PPP2R2B: variants seen among roughly 807,000 people sequenced by gnomAD.
PPP2R2B encodes the protein protein phosphatase 2 regulatory subunit Bbeta, also known as serine/threonine-protein phosphatase 2A 55 kDa regulatory subunit B beta isoform.
A neutral mutation model predicts 46.0 loss-of-function variants in PPP2R2B; 5 were observed. That is an observed-to-expected ratio of 0.11 (90% CI 0.06 to 0.23). The LOEUF (loss-of-function observed/expected upper bound fraction) is 0.23. PPP2R2B is among the 10% of genes least tolerant of loss of function. PPP2R2B has a pLI of 1.00. For synonymous variants in PPP2R2B, 215 were observed against 206.7 expected, an observed-to-expected ratio of 1.04 and a Z score of -0.34; for missense variants, 367 against 575.0, an observed-to-expected ratio of 0.64 and a Z score of 3.70.
At chr5:146,675,486 A>C (rs997594614) in intron 5 of PPP2R2B, among the ~76,000 whole-genome samples, 1 of 152,168 alleles carries the variant, frequency 6.6e-6, no homozygotes, top group Admixed American at 6.6e-5. Context: ...CAGTGAATGA[A>C]AGGAAAATGG....
intron 1 of PPP2R2B, among the ~76,000 whole-genome samples, chr5:146,924,028 A>T (rs187268715): frequency 6.6e-6 from 1 of 152,186 alleles, no homozygotes; most frequent in Admixed American, 6.5e-5. Context: ...TGATGAAAAC[A>T]TATGGACACA....
At chr5:146,737,787 G>T (rs745380311) in intron 2 of PPP2R2B, among the ~76,000 whole-genome samples, 1 of 150,480 alleles carries the variant, frequency 6.6e-6, no homozygotes, top group African/African-American at 2.4e-5. Flanking sequence ...AACAAATGTT[G>T]TTGGAGGCCA....
At chr5:146,667,420 T>C (rs1191657616) in intron 5 of PPP2R2B, among the ~76,000 whole-genome samples, 1 of 150,832 alleles carries the variant, frequency 6.6e-6, no homozygotes, top group Non-Finnish European at 1.5e-5. Context: ...GAAGAGAGTA[T>C]CTGAGAAAAG....
intron 6 of PPP2R2B, among the ~76,000 whole-genome samples, chr5:146,644,740 C>T (rs1157121844): frequency 2.0e-5 from 3 of 152,032 alleles, no homozygotes; most frequent in Admixed American, 1.3e-4. Flanking sequence ...ACCCTATCAG[C>T]CTCTAAGAAT....
chr5:146,757,552 G>A (rs1445796642), intron 2 of PPP2R2B, among the ~76,000 whole-genome samples: 5 of 152,106 alleles, frequency 3.3e-5, no homozygotes, highest in Non-Finnish European at 7.4e-5. Flanking sequence ...ACATTGTTTT[G>A]GACATGCAGG....
intron 1 of PPP2R2B, chr5:147,035,139 A>C (rs1755972451): frequency 2.2e-6 from 1 of 455,646 alleles, no homozygotes; most frequent in Non-Finnish European, 4.4e-6. Context: ...GAGACTGGGT[A>C]AATTATAAAG....
At chr5:146,689,327 A>G (rs1308402384) in intron 5 of PPP2R2B, among the ~76,000 whole-genome samples, 3 of 152,232 alleles carry the variant, frequency 2.0e-5, no homozygotes, top group African/African-American at 7.2e-5. Flanking sequence ...CACATGCCAC[A>G]TGATGTTTTG....
intron 8 of PPP2R2B, among the ~76,000 whole-genome samples, chr5:146,599,855 G>C (rs1161620594): frequency 2.0e-5 from 3 of 152,054 alleles, no homozygotes; most frequent in Admixed American, 6.5e-5. Context: ...GCGTCCATGT[G>C]AACACACTAT....
chr5:146,665,903 T>C (rs1776954380), intron 5 of PPP2R2B, among the ~76,000 whole-genome samples: 1 of 152,230 alleles, frequency 6.6e-6, no homozygotes, highest in Non-Finnish European at 1.5e-5. Flanking sequence ...AATGAGCACA[T>C]GCTGCTCGAA....
At chr5:146,711,783 A>G (rs1780223941) in intron 2 of PPP2R2B, among the ~76,000 whole-genome samples, 1 of 152,238 alleles carries the variant, frequency 6.6e-6, no homozygotes, top group African/African-American at 2.4e-5. Flanking sequence ...TCTCAGTTAG[A>G]GGACTGGGAG....
chr5:146,806,451 C>A (rs892301313), intron 2 of PPP2R2B, among the ~76,000 whole-genome samples: 1 of 152,076 alleles, frequency 6.6e-6, no homozygotes, highest in African/African-American at 2.4e-5. Context: ...TAAAATGCCT[C>A]TAGAATCTTG....
At chr5:146,779,523 A>C (rs1473368666) in intron 2 of PPP2R2B, among the ~76,000 whole-genome samples, 1 of 152,196 alleles carries the variant, frequency 6.6e-6, no homozygotes, top group Admixed American at 6.6e-5. Context: ...ACCGAGGTGT[A>C]GTTTCCCCAG....
chr5:146,629,932 G>A (rs1306274772), intron 7 of PPP2R2B, among the ~76,000 whole-genome samples: 1 of 152,100 alleles, frequency 6.6e-6, no homozygotes, highest in Non-Finnish European at 1.5e-5. Context: ...TCCTACCTCA[G>A]CCTCCTGAGT....
intron 7 of PPP2R2B, among the ~76,000 whole-genome samples, chr5:146,602,201 T>C (rs1330050475): frequency 1.3e-5 from 2 of 152,190 alleles, no homozygotes; most frequent in African/African-American, 4.8e-5. Context: ...AATGGAACTA[T>C]CATTTTTCAC....
chr5:146,820,435 C>T (rs1398292716), intron 2 of PPP2R2B, among the ~76,000 whole-genome samples: 1 of 152,158 alleles, frequency 6.6e-6, no homozygotes, highest in Non-Finnish European at 1.5e-5. Flanking sequence ...CATGGATTCT[C>T]ATTTGTGGAT....
intron 1 of PPP2R2B, among the ~76,000 whole-genome samples, chr5:146,917,313 A>G (rs763823544): frequency 1.3e-5 from 2 of 152,188 alleles, no homozygotes; most frequent in Non-Finnish European, 2.9e-5. Context: ...GGTGCTCAAG[A>G]AATGCTTGTG....
At chr5:147,041,222 A>T (rs1477312784) in intron 1 of PPP2R2B, among the ~76,000 whole-genome samples, 1 of 151,874 alleles carries the variant, frequency 6.6e-6, no homozygotes, top group Non-Finnish European at 1.5e-5. Flanking sequence ...GTCACTTCCA[A>T]CTCTGGCTGT....
At chr5:147,045,674 C>T (rs932146547) in intron 1 of PPP2R2B, among the ~76,000 whole-genome samples, 4 of 152,050 alleles carry the variant, frequency 2.6e-5, no homozygotes, top group Admixed American at 1.3e-4. Context: ...GTACACCCCT[C>T]GATAATTTAC....
At chr5:146,744,625 A>ATTTTTTTTTCCT (rs1234316481) in intron 2 of PPP2R2B, among the ~76,000 whole-genome samples, 1 of 152,188 alleles carries the variant, frequency 6.6e-6, no homozygotes, top group Non-Finnish European at 1.5e-5. Context: ...CCAGGCAATC[A>ATTTTTTTTTCCT]TTTGTACTCA....
Sources: gnomAD v4.1 joint callset for allele counts (sites outside exome capture counted in the v4.1 genomes callset) on GRCh38, gnomAD v4.1.1 for gene constraint, MANE v1.5 for transcripts, NCBI Gene and HGNC (gene_info 2026-07-23, HGNC 2026-07-21) for gene names.